ARHGEF3: variants seen among roughly 807,000 people sequenced by gnomAD.
ARHGEF3 encodes 59.8 kDA protein.
In ARHGEF3, 28 loss-of-function variants were observed where a neutral mutation model predicts 63.2. That is an observed-to-expected ratio of 0.44 (90% CI 0.33 to 0.61). The LOEUF is 0.61. Ranked by LOEUF, ARHGEF3 falls within the 20% of genes least tolerant of loss-of-function variation. ARHGEF3 has a pLI of 0.03. For missense variants in ARHGEF3, 533 were observed against 659.3 expected (o/e 0.81, Z 2.10); for synonymous variants, 266 against 254.2 (o/e 1.05, Z -0.44).
intron 3 of ARHGEF3, among the ~76,000 whole-genome samples, chr3:56,955,165 A>G (rs1056033378): frequency 4.7e-5 from 7 of 150,420 alleles, no homozygotes; most frequent in Non-Finnish European, 5.9e-5. Context: ...TTGGTGAACA[A>G]ACACTGATCC....
At chr3:56,763,749 T>A (rs2107802537) in intron 2 of ARHGEF3, among the ~76,000 whole-genome samples, 1 of 152,236 alleles carries the variant, frequency 6.6e-6, no homozygotes, top group African/African-American at 2.4e-5. Flanking sequence ...TTATTTTATT[T>A]TTTTTTGTAG....
intron 1 of ARHGEF3, among the ~76,000 whole-genome samples, chr3:57,040,343 G>A (rs1704127797): frequency 6.6e-6 from 1 of 152,052 alleles, no homozygotes; most frequent in African/African-American, 2.4e-5. Flanking sequence ...CAGCCGTGGT[G>A]GCACGCACCT....
At chr3:56,783,301 A>G (rs1321048243) in intron 1 of ARHGEF3, among the ~76,000 whole-genome samples, 2 of 152,204 alleles carry the variant, frequency 1.3e-5, no homozygotes, top group East Asian at 1.9e-4. Context: ...GCAAAATACT[A>G]TAGCTCTCTA....
intron 7 of ARHGEF3, among the ~76,000 whole-genome samples, chr3:56,739,845 A>G (rs1273343062): frequency 6.6e-6 from 1 of 152,102 alleles, no homozygotes; most frequent in Non-Finnish European, 1.5e-5. Context: ...TGGTGAATGT[A>G]TCTTATGGAG....
intron 4 of ARHGEF3, among the ~76,000 whole-genome samples, chr3:56,868,597 A>G (rs1208119077): frequency 6.6e-6 from 1 of 152,190 alleles, no homozygotes; most frequent in Middle Eastern, 3.2e-3. Context: ...TCCTGGCCTC[A>G]GGTGATCTGC....
At chr3:56,968,233 TA>T (rs1287283465) in intron 2 of ARHGEF3, among the ~76,000 whole-genome samples, 79 of 37,028 alleles carry the variant, frequency 2.1e-3, no homozygotes, top group African/African-American at 6.7e-3. Context: ...AATATATATA[TA>T]AATATATATA....
chr3:57,075,971 T>C (rs1706201797), intron 1 of ARHGEF3, among the ~76,000 whole-genome samples: 1 of 152,188 alleles, frequency 6.6e-6, no homozygotes, highest in African/African-American at 2.4e-5. Context: ...ACTGACTCAA[T>C]AGATTAGAAT....
At chr3:56,870,436 T>C (rs1420839900) in intron 4 of ARHGEF3, among the ~76,000 whole-genome samples, 1 of 151,738 alleles carries the variant, frequency 6.6e-6, no homozygotes, top group Non-Finnish European at 1.5e-5. Flanking sequence ...ATGGAGAGAG[T>C]AAAGAGATCA....
intron 3 of ARHGEF3, among the ~76,000 whole-genome samples, chr3:56,894,570 G>A (rs2041236837): frequency 6.6e-6 from 1 of 152,142 alleles, no homozygotes; most frequent in Non-Finnish European, 1.5e-5. Context: ...AGGGAGGACT[G>A]CTTGAACCCA....
At chr3:57,069,376 A>AACAC (rs147675971) in intron 1 of ARHGEF3, among the ~76,000 whole-genome samples, 51,579 of 146,220 alleles carry the variant, frequency 0.35, 10,494 homozygotes, top group Non-Finnish European at 0.47. Context: ...CTGTCTCTCA[A>AACAC]ACACACACAC....
chr3:56,833,021 C>T (rs1343551766), intron 4 of ARHGEF3, among the ~76,000 whole-genome samples: 1 of 152,142 alleles, frequency 6.6e-6, no homozygotes, highest in African/African-American at 2.4e-5. Context: ...TTATCCATTC[C>T]TCAATTGATG....
chr3:56,770,721 C>A (rs1021647517), intron 2 of ARHGEF3, among the ~76,000 whole-genome samples: 1 of 152,150 alleles, frequency 6.6e-6, no homozygotes, highest in Non-Finnish European at 1.5e-5. Context: ...ATAAGCACAT[C>A]GCTCAATTCT....
rs968187782 is a variant in ARHGEF3 at position 56,953,103 on chromosome 3, G to A, written c.129+5720C>T. On this transcript the variant is annotated intron_variant, in intron 3 of 12. Coordinates refer to the ARHGEF3 transcript ENST00000338458. ...GACTGCCACAGCCTGGCCTGGGACT[G>A]ACGTTCAGTCAACAAAAGTAAATGC... Among the ~76,000 whole-genome samples the A allele has an allele frequency of 9.8e-5, 15 of 152,314 alleles. No individual in the cohort carries two copies. The East Asian group carries it at 2.9e-3, about 29-fold the overall frequency.
chr3:57,003,475 G>A (rs1287215236), intron 2 of ARHGEF3, among the ~76,000 whole-genome samples: 1 of 150,546 alleles, frequency 6.6e-6, no homozygotes, highest in Non-Finnish European at 1.5e-5. Flanking sequence ...ACTGAGCTAG[G>A]ACCTGACTCC....
chr3:56,909,903 G>C (rs1378791133), intron 3 of ARHGEF3, among the ~76,000 whole-genome samples: 3 of 152,136 alleles, frequency 2.0e-5, no homozygotes, highest in Non-Finnish European at 4.4e-5. Flanking sequence ...TGAGGTGAAA[G>C]AGACAGTGTA....
At chr3:57,017,198 A>C (rs550655172) in intron 2 of ARHGEF3, among the ~76,000 whole-genome samples, 2 of 152,254 alleles carry the variant, frequency 1.3e-5, no homozygotes, top group East Asian at 3.9e-4. Flanking sequence ...AAATCCAGGG[A>C]AAGTCTGCAT....
At chr3:56,924,010 T>G (rs1224853387) in intron 3 of ARHGEF3, among the ~76,000 whole-genome samples, 1 of 152,182 alleles carries the variant, frequency 6.6e-6, no homozygotes, top group Non-Finnish European at 1.5e-5. Flanking sequence ...GCTGAGAGAT[T>G]TCCGCATGCA....
intron 2 of ARHGEF3, among the ~76,000 whole-genome samples, chr3:56,761,565 T>A (rs1351688488): frequency 6.6e-6 from 1 of 152,148 alleles, no homozygotes; most frequent in East Asian, 1.9e-4. Context: ...TATTCACTGA[T>A]GGATTCATCA....
At chr3:56,964,487 T>A (rs974629636) in intron 2 of ARHGEF3, among the ~76,000 whole-genome samples, 1 of 151,924 alleles carries the variant, frequency 6.6e-6, no homozygotes, top group African/African-American at 2.4e-5. Flanking sequence ...CTTTGGAGAA[T>A]GGGTCTGTAC....
Sources: gnomAD v4.1 joint callset for allele counts (sites outside exome capture counted in the v4.1 genomes callset) on GRCh38, gnomAD v4.1.1 for gene constraint, MANE v1.5 for transcripts, NCBI Gene and HGNC (gene_info 2026-07-23, HGNC 2026-07-21) for gene names.